Variants in TRMT9B observed in about 807,000 individuals in gnomAD.
TRMT9B encodes tRNA methyltransferase 9B (putative).
TRMT9B carries 16 observed loss-of-function variants against 11.5 expected under a neutral mutation model. That is an observed-to-expected ratio of 1.39 (90% confidence interval 0.94 to 2.11). TRMT9B has a LOEUF of 2.11. Ranked by LOEUF, TRMT9B falls within the 30% of genes most tolerant of loss-of-function variation. The pLI, the probability that TRMT9B is intolerant of heterozygous loss-of-function variation, is 0.00. For missense variants in TRMT9B, 941 were observed against 553.8 expected, an observed-to-expected ratio of 1.70 and a Z score of -7.02; for synonymous variants, 274 against 192.4, an observed-to-expected ratio of 1.42 and a Z score of -3.51.
intron 3 of TRMT9B, chr8:13,006,813 C>A (rs968594465): frequency 3.3e-5 from 10 of 303,074 alleles, no homozygotes; most frequent in Admixed American, 5.2e-5. Flanking sequence ...TGATTACAGG[C>A]ACCCGCCACC....
intron 4 of TRMT9B, 89 bp downstream of exon 4, chr8:13,012,946 G>A: frequency 1.4e-6 from 2 of 1,385,024 alleles, no homozygotes; most frequent in Middle Eastern, 2.7e-4. Context: ...TCCGTTCTGT[G>A]TAGAAATGTC....
chr8:12,997,287 A>T (rs923123920), intron 2 of TRMT9B, among the ~76,000 whole-genome samples: 5 of 130,318 alleles, frequency 3.8e-5, no homozygotes, highest in African/African-American at 1.3e-4. Context: ...ATCAGTTCAC[A>T]TGAGAGCTGG....
chr8:13,012,954 G>C (rs1200619649), intron 4 of TRMT9B, 97 bp downstream of exon 4: 42 of 1,335,818 alleles, frequency 3.1e-5, no homozygotes, highest in Non-Finnish European at 4.1e-5. Flanking sequence ...GTGTAGAAAT[G>C]TCAATGTAAT....
At chr8:12,975,225 G>C (rs967231641) in intron 1 of TRMT9B, among the ~76,000 whole-genome samples, 1 of 152,018 alleles carries the variant, frequency 6.6e-6, no homozygotes, top group Non-Finnish European at 1.5e-5. Flanking sequence ...AAGAGTATAT[G>C]AGAAGAGATA....
At chr8:13,010,849 C>G in intron 3 of TRMT9B, 2 of 980,628 alleles carry the variant, frequency 2.0e-6, no homozygotes, top group Non-Finnish European at 2.4e-6. Context: ...TTATATTTTC[C>G]CCATGATTGC....
intron 3 of TRMT9B, among the ~76,000 whole-genome samples, chr8:13,008,291 C>T (rs1239754271): frequency 2.6e-5 from 4 of 152,262 alleles, no homozygotes; most frequent in South Asian, 2.1e-4. Context: ...GAACACTAGA[C>T]GGCATTTCAG....
At chr8:12,966,791 A>G (rs1002177829) in intron 1 of TRMT9B, among the ~76,000 whole-genome samples, 1 of 152,176 alleles carries the variant, frequency 6.6e-6, no homozygotes, top group Non-Finnish European at 1.5e-5. Flanking sequence ...CCTGTTCAAG[A>G]TGGGACCTGA....
chr8:12,974,541 A>C (rs749340834), intron 1 of TRMT9B, among the ~76,000 whole-genome samples: 1 of 152,168 alleles, frequency 6.6e-6, no homozygotes, highest in Non-Finnish European at 1.5e-5. Flanking sequence ...GTTTCCAGGG[A>C]TATGAAGTCA....
chr8:12,988,887 T>C (rs983913976), intron 1 of TRMT9B, among the ~76,000 whole-genome samples: 2 of 148,958 alleles, frequency 1.3e-5, no homozygotes, highest in Non-Finnish European at 3.0e-5. Flanking sequence ...TAGCTCAGGA[T>C]GTATCCATCC....
chr8:13,004,549 C>G (rs1261487355), intron 2 of TRMT9B, among the ~76,000 whole-genome samples: 1 of 152,030 alleles, frequency 6.6e-6, no homozygotes, highest in African/African-American at 2.4e-5. Flanking sequence ...GATGATATTT[C>G]TAGACACACC....
In TRMT9B at chr8:12,997,311, C is replaced by G. The variant is rs191093966; in HGVS notation, c.-2+6280C>G. Among the ~76,000 whole-genome samples, 6 of 151,968 alleles carry G rather than the reference C, an allele frequency of 3.9e-5. No individual in the cohort carries two copies. In the East Asian group the frequency reaches 1.2e-3, roughly 29 times the overall value. On this transcript the variant is annotated intron_variant, in intron 2 of 4. Transcript: ENST00000524591. Reference sequence around the variant, plus strand: ...CATGAGAGCTGGTTGTTTAAAGGAGCCTGGCATCTCCTCCCCTCTCTCTTG... The same window carrying G: ...CATGAGAGCTGGTTGTTTAAAGGAGGCTGGCATCTCCTCCCCTCTCTCTTG...
chr8:12,974,031 C>T (rs1360757452), intron 1 of TRMT9B, among the ~76,000 whole-genome samples: 1 of 151,996 alleles, frequency 6.6e-6, no homozygotes, highest in Non-Finnish European at 1.5e-5. Context: ...AAAAGCTAGG[C>T]ATAGTGGCAA....
chr8:12,998,026 C>T (rs1301126571), intron 2 of TRMT9B, among the ~76,000 whole-genome samples: 1 of 152,140 alleles, frequency 6.6e-6, no homozygotes, highest in Non-Finnish European at 1.5e-5. Context: ...GTGTGTGTTT[C>T]CTGCCCGTCT....
At chr8:12,969,388 C>G (rs114503570) in intron 1 of TRMT9B, among the ~76,000 whole-genome samples, 17 of 152,248 alleles carry the variant, frequency 1.1e-4, no homozygotes, top group African/African-American at 4.1e-4. Context: ...TGCACCCAGT[C>G]ACTCCTTTGC....
intron 1 of TRMT9B, among the ~76,000 whole-genome samples, chr8:12,984,680 G>A (rs1399452074): frequency 6.6e-6 from 1 of 152,096 alleles, no homozygotes; most frequent in Non-Finnish European, 1.5e-5. Context: ...ACTGACAGCT[G>A]TTTTTGTCAA....
At chr8:12,967,758 G>C (rs1469735313) in intron 1 of TRMT9B, among the ~76,000 whole-genome samples, 1 of 152,224 alleles carries the variant, frequency 6.6e-6, no homozygotes, top group Admixed American at 6.5e-5. Context: ...GTGATGGTCA[G>C]TATGAAAGTG....
intron 4 of TRMT9B, among the ~76,000 whole-genome samples, chr8:13,016,441 A>G (rs2128898277): frequency 6.7e-6 from 1 of 149,566 alleles, no homozygotes; most frequent in East Asian, 2.0e-4. Flanking sequence ...AAATTTCAAT[A>G]GACTGTCTCT....
intron 3 of TRMT9B, among the ~76,000 whole-genome samples, chr8:13,009,473 T>C (rs1430412249): frequency 6.6e-6 from 1 of 152,154 alleles, no homozygotes; most frequent in African/African-American, 2.4e-5. Context: ...AAAGAATGCT[T>C]AGTGTAAAAT....
In TRMT9B at chr8:13,021,185, T is replaced by G. The variant is rs778602813; in HGVS notation, c.506T>G (p.Phe169Cys). 11 of 1,613,816 alleles carry G rather than the reference T, an allele frequency of 6.8e-6. No homozygotes were observed. The highest frequency in any genetic ancestry group is 9.3e-6 in the Non-Finnish European group (11 of 1,179,812). The part of the protein sequence containing the change: ...PWNRALCSQL[F>C]SESSQSGRKR... ...AACAGGGCTCTGTGTTCCCAGCTCT[T>G]CTCAGAGTCCAGCCAGTCTGGGAGG... The change falls in exon 5 of 5, where the codon TTC becomes TGC. Residue 169 changes from phenylalanine to cysteine, a missense_variant. Coordinates refer to ENST00000524591, the MANE Select transcript of TRMT9B (RefSeq NM_020844.3).
Sources: allele counts gnomAD v4.1 joint callset (sites outside exome capture counted in the v4.1 genomes callset), GRCh38; gene constraint gnomAD v4.1.1; transcripts MANE v1.5; gene names NCBI Gene and HGNC (gene_info 2026-07-23, HGNC 2026-07-21).